THSD7A: variants seen among roughly 807,000 people sequenced by gnomAD.
THSD7A encodes thrombospondin type 1 domain containing 7A, also known as thrombospondin type-1 domain-containing protein 7A.
THSD7A carries 96 observed loss-of-function variants against 231.3 expected under a neutral mutation model. That is an observed-to-expected ratio of 0.41 (90% confidence interval 0.35 to 0.49). The LOEUF (loss-of-function observed/expected upper bound fraction) is 0.49, where lower values mean the gene tolerates loss of function less well. Among genes scored for constraint, THSD7A ranks in the 20% least tolerant of loss-of-function variants. The pLI is 0.05. For missense variants in THSD7A, 2,290 were observed against 2,070.2 expected (o/e 1.11, Z -2.06); for synonymous variants, 940 against 743.3 (o/e 1.26, Z -4.30).
At chr7:11,413,075 AATT>A (rs1361779469) in intron 17 of THSD7A, among the ~76,000 whole-genome samples, 8 of 151,778 alleles carry the variant, frequency 5.3e-5, no homozygotes, top group Admixed American at 2.0e-4. Flanking sequence ...TGGTCATATT[AATT>A]ATTATGCTAT....
intron 4 of THSD7A, among the ~76,000 whole-genome samples, chr7:11,546,437 G>T (rs974452151): frequency 6.6e-6 from 1 of 152,140 alleles, no homozygotes; most frequent in Non-Finnish European, 1.5e-5. Context: ...CTGGTCCCAG[G>T]TCCCCAGTGT....
chr7:11,492,654 C>A (rs990878740), intron 6 of THSD7A, among the ~76,000 whole-genome samples: 1 of 151,878 alleles, frequency 6.6e-6, no homozygotes, highest in African/African-American at 2.4e-5. Flanking sequence ...GAAATCTGAA[C>A]AATATTTGGA....
At chr7:11,507,360 A>G (rs1358762495) in intron 6 of THSD7A, among the ~76,000 whole-genome samples, 1 of 152,168 alleles carries the variant, frequency 6.6e-6, no homozygotes, top group East Asian at 1.9e-4. Flanking sequence ...ACTCAAAAGA[A>G]AGTGCTTTAG....
At position 11,376,629 on chromosome 7, in the gene THSD7A, A is replaced by C; in HGVS notation, c.4830T>G (p.Gly1610=). 6.3e-7 allele frequency: 1 copy of C among 1,586,190 alleles called. No individual in the cohort carries two copies. The highest frequency in any genetic ancestry group is 8.6e-7 in the Non-Finnish European group (1 of 1,165,324). Residue 1610 remains glycine (G), a synonymous_variant, in exon 27 of 28, where the codon GGT becomes GGG. Coordinates refer to ENST00000423059, the MANE Select transcript of THSD7A (RefSeq NM_015204.3). ...PDGRLKTWVY[G]VAAGAFVLLI... ...GTAACACAAATGCCCCAGCTGCTAC[A>C]CCGTAAACCCAGGTCTTTAGTCTCC...
chr7:11,460,084 T>C (rs1785448061), intron 11 of THSD7A, among the ~76,000 whole-genome samples: 1 of 152,084 alleles, frequency 6.6e-6, no homozygotes, highest in African/African-American at 2.4e-5. Context: ...AACATTCTCA[T>C]TACCCATTTC....
chr7:11,378,033 A>T (rs1474587195), intron 26 of THSD7A: 1 of 152,102 alleles, frequency 6.6e-6, no homozygotes, highest in Non-Finnish European at 1.5e-5. Context: ...ACTATCAGCT[A>T]AATAAGCCAA....
At chr7:11,671,507 T>A (rs1406781436) in intron 1 of THSD7A, among the ~76,000 whole-genome samples, 1 of 152,160 alleles carries the variant, frequency 6.6e-6, no homozygotes, top group Admixed American at 6.6e-5. Context: ...GTTCATTTAT[T>A]ATTTATTGTA....
chr7:11,752,386 A>G (rs1782532209), intron 1 of THSD7A, among the ~76,000 whole-genome samples: 3 of 151,956 alleles, frequency 2.0e-5, no homozygotes, highest in Admixed American at 1.3e-4. Flanking sequence ...TTTTTCTACA[A>G]TTTATACTTT....
At chr7:11,597,436 G>A (rs968624166) in intron 2 of THSD7A, among the ~76,000 whole-genome samples, 3 of 152,164 alleles carry the variant, frequency 2.0e-5, no homozygotes, top group Non-Finnish European at 4.4e-5. Flanking sequence ...TCTGCAATGG[G>A]TCCAGGCTGC....
At chr7:11,550,465 T>C (rs990535935) in intron 4 of THSD7A, among the ~76,000 whole-genome samples, 5 of 152,004 alleles carry the variant, frequency 3.3e-5, no homozygotes, top group African/African-American at 1.2e-4. Context: ...AGGAGGCGAG[T>C]GGATCATGGG....
At chr7:11,720,482 A>G (rs1781311903) in intron 1 of THSD7A, among the ~76,000 whole-genome samples, 1 of 151,720 alleles carries the variant, frequency 6.6e-6, no homozygotes, top group African/African-American at 2.4e-5. Flanking sequence ...CCTTTCCATC[A>G]GCCTTTAAAT....
intron 1 of THSD7A, among the ~76,000 whole-genome samples, chr7:11,782,067 T>C (rs930350364): frequency 6.6e-6 from 1 of 152,190 alleles, no homozygotes; most frequent in Non-Finnish European, 1.5e-5. Flanking sequence ...CCTGGGAAGA[T>C]ACAGTCACCT....
chr7:11,517,225 C>T (rs1045187930), intron 6 of THSD7A, among the ~76,000 whole-genome samples: 1 of 152,002 alleles, frequency 6.6e-6, no homozygotes, highest in African/African-American at 2.4e-5. Context: ...ATTACAGGTG[C>T]CCACCACCAT....
intron 1 of THSD7A, among the ~76,000 whole-genome samples, chr7:11,824,052 T>A (rs888945331): frequency 6.6e-5 from 10 of 152,088 alleles, no homozygotes; most frequent in African/African-American, 2.4e-4. Flanking sequence ...AATGCTGTCA[T>A]CACTTGAATG....
intron 1 of THSD7A, among the ~76,000 whole-genome samples, chr7:11,749,132 CT>C (rs1332701298): frequency 2.6e-5 from 4 of 151,948 alleles, no homozygotes; most frequent in Non-Finnish European, 5.9e-5. Context: ...CCCATATGGC[CT>C]TGCTTATTAA....
At chr7:11,520,723 A>T (rs1788228458) in intron 6 of THSD7A, among the ~76,000 whole-genome samples, 1 of 152,176 alleles carries the variant, frequency 6.6e-6, no homozygotes, top group African/African-American at 2.4e-5. Context: ...AATTTAAATC[A>T]CTCCAGCTTT....
intron 6 of THSD7A, among the ~76,000 whole-genome samples, chr7:11,521,537 T>C (rs1788266313): frequency 7.0e-6 from 1 of 142,616 alleles, no homozygotes; most frequent in Non-Finnish European, 1.5e-5. Flanking sequence ...CATGTGCACA[T>C]TGTGCAGGTT....
intron 1 of THSD7A, among the ~76,000 whole-genome samples, chr7:11,644,226 T>G (rs1179529231): frequency 6.6e-6 from 1 of 151,982 alleles, no homozygotes; most frequent in Admixed American, 6.6e-5. Flanking sequence ...TTGCCATAGG[T>G]AGAAGCAAAC....
chr7:11,421,427 C>G (rs996392009), intron 16 of THSD7A, among the ~76,000 whole-genome samples: 1 of 150,144 alleles, frequency 6.7e-6, no homozygotes, highest in African/African-American at 2.5e-5. Flanking sequence ...TTCCTGAAGG[C>G]TCCCGAGCCA....
Sources: allele counts gnomAD v4.1 joint callset (sites outside exome capture counted in the v4.1 genomes callset), GRCh38; gene constraint gnomAD v4.1.1; transcripts MANE v1.5; gene names NCBI Gene and HGNC (gene_info 2026-07-23, HGNC 2026-07-21).